The following WNT5A variants were observed in gnomAD, a reference collection of about 807,000 sequenced individuals.
WNT5A encodes the protein Wnt family member 5A.
In WNT5A, 9 loss-of-function variants were observed where a neutral mutation model predicts 42.1. The observed-to-expected ratio is 0.21, with a 90% CI of 0.13 to 0.37. WNT5A has a LOEUF of 0.37. WNT5A is among the 10% of genes least tolerant of loss of function. WNT5A has a pLI of 1.00. For synonymous variants in WNT5A, 210 were observed against 210.0 expected (o/e 1.00, Z 0.00); for missense variants, 426 against 534.0 (o/e 0.80, Z 1.99).
upstream of WNT5A, chr3:55,493,958 T>A (rs2051688733): frequency 6.6e-6 from 1 of 152,218 alleles, no homozygotes; most frequent in Non-Finnish European, 1.5e-5. Flanking sequence ...TGCTCCTAAG[T>A]GGCATGTTTT....
At chr3:55,495,891 A>G in the WNT5A span, among the ~76,000 whole-genome samples, 1 of 152,202 alleles carries the variant, frequency 6.6e-6, no homozygotes, top group Non-Finnish European at 1.5e-5. Flanking sequence ...CAACATTTCT[A>G]AGTGAAAAGG....
Position 55,470,290 on chromosome 3 carries a change from G to A in WNT5A, c.945C>T (p.Thr315=). ...SPDYCVRNES[T]GSLGTQGRLC... ...GGCGGCCCTGCGTGCCCAGCGAGCC[G>A]GTGCTCTCATTGCGCACGCAGTAGT... is the stretch of plus-strand genomic sequence containing the variant. Residue 315 remains threonine (T), a synonymous_variant, in exon 5 of 5, where the codon ACC becomes ACT. Coordinates refer to ENST00000264634, the MANE Select transcript of WNT5A (RefSeq NM_003392.7). The A allele has an allele frequency of 6.2e-7, 1 of 1,614,044 alleles. No individual in the cohort carries two copies. Among genetic ancestry groups the A allele is most frequent in the Non-Finnish European group, 8.5e-7 (1 of 1,179,908 alleles).
chr3:55,503,212 G>T, the WNT5A span, among the ~76,000 whole-genome samples: 1 of 152,208 alleles, frequency 6.6e-6, no homozygotes, highest in African/African-American at 2.4e-5. Flanking sequence ...CAGCTCAGCA[G>T]TGGTTCTTGT....
intron 3 of WNT5A, chr3:55,479,070 G>A: frequency 2.9e-6 from 1 of 341,790 alleles, no homozygotes; most frequent in Non-Finnish European, 5.2e-6. Context: ...GAAAAATTAA[G>A]TGTTTGCAAA....
In WNT5A at chr3:55,479,327, C is replaced by T. The variant is rs1290718864; in HGVS notation, c.378G>A (p.Arg126=). ...STVDNTSVFG[R]VMQIGSRETA... ...ATGTTTTCCTACCTATCTGCATCAC[C>T]CTGCCAAAAACAGAGGTGTTATCCA... The change falls in exon 3 of 5, where the codon AGG becomes AGA. Residue 126 remains arginine, a synonymous_variant. Transcript: ENST00000264634. The T allele has an allele frequency of 6.4e-7, 1 of 1,561,434 alleles. No homozygotes were observed. Among genetic ancestry groups the T allele is most frequent in the Non-Finnish European group, 8.7e-7 (1 of 1,150,228 alleles).
At chr3:55,498,381 C>T in the WNT5A span, among the ~76,000 whole-genome samples, 1 of 152,052 alleles carries the variant, frequency 6.6e-6, no homozygotes, top group African/African-American at 2.4e-5. Context: ...CCGCGGCTCC[C>T]GCTCTCAAGG....
chr3:55,473,142 C>G (rs143339824), intron 4 of WNT5A, among the ~76,000 whole-genome samples: 1 of 152,294 alleles, frequency 6.6e-6, no homozygotes, highest in Non-Finnish European at 1.5e-5. Flanking sequence ...AAAAACGTAC[C>G]TAGGCTTATA....
intron 1 of WNT5A, among the ~76,000 whole-genome samples, chr3:55,486,454 TG>T (rs1300792707): frequency 7.9e-5 from 12 of 152,312 alleles, no homozygotes; most frequent in Non-Finnish European, 1.5e-4. Context: ...CCTCCGTCGG[TG>T]CGGGGGGGTG....
Position 55,479,314 on chromosome 3 carries a change from C to T in WNT5A, c.391G>A (p.Gly131Ser). ...AAAAATATTTTAAATGTTTTCCTAC[C>T]TATCTGCATCACCCTGCCAAAAACA... ...TSVFGRVMQI[G>S]SRETAFTYAV... is the part of the protein sequence containing the mutation. The change falls in exon 3 of 5, where the codon GGC becomes AGC. Residue 131 changes from glycine to serine, a missense_variant and splice_region_variant. By Grantham distance (56) the Gly-to-Ser change is moderately conservative (BLOSUM62 0). Around this residue, in one of 3 missense-constraint regions of WNT5A, gnomAD observed 358 missense variants for 468.1 expected, o/e 0.76. Transcript: ENST00000264634. 6.6e-7 allele frequency: 1 copy of T among 1,525,510 alleles called. No individual in the cohort carries two copies. The highest frequency in any genetic ancestry group is 8.8e-7 in the Non-Finnish European group (1 of 1,133,982). 94.5% of individuals were successfully genotyped at this position (1,525,510 alleles called of 1,614,324 possible).
In WNT5A at chr3:55,466,551, A is replaced by G. The variant is rs1251188437; in HGVS notation, c.*3541T>C. On this transcript the variant is annotated 3_prime_UTR_variant, in exon 5 of 5. Coordinates refer to ENST00000264634, the MANE Select transcript of WNT5A (RefSeq NM_003392.7). ...TCTCAGGAGGTCAGTAGCTCACAGA[A>G]CTCAACAGATAAACTGGATTAAAAC... 1 of 152,310 alleles carries G rather than the reference A, an allele frequency of 6.6e-6. No homozygotes were observed. The highest frequency in any genetic ancestry group is 1.5e-5 in the Non-Finnish European group (1 of 68,040). 9.4% of individuals were successfully genotyped at this position (152,310 alleles called of 1,614,324 possible). A position where few individuals can be genotyped will look rare whatever the true frequency, so the allele number is the denominator to read the frequency against.
chr3:55,498,440 A>G, the WNT5A span, among the ~76,000 whole-genome samples: 1 of 152,210 alleles, frequency 6.6e-6, no homozygotes, highest in African/African-American at 2.4e-5. Context: ...GGATGATGAG[A>G]GTAACACTGA....
Position 55,477,408 on chromosome 3 carries a change from G to A in WNT5A, c.391+1906C>T, listed in dbSNP as rs192706625. Among the ~76,000 whole-genome samples, 60 of 152,224 alleles carry A rather than the reference G, an allele frequency of 3.9e-4. No individual in the cohort carries two copies. The East Asian group carries it at 0.012, about 29-fold the overall frequency. On this transcript the variant is annotated intron_variant, in intron 3 of 4. Coordinates refer to ENST00000264634, the MANE Select transcript of WNT5A (RefSeq NM_003392.7). Reference sequence around the variant, plus strand: ...TTCAGCTCTGAGACGCTAGGCACTTGGGGGACCTTTTGCAGGGGAGGATGC... The same window carrying A: ...TTCAGCTCTGAGACGCTAGGCACTTAGGGGACCTTTTGCAGGGGAGGATGC...
chr3:55,482,798 G>A (rs763891530), intron 1 of WNT5A, among the ~76,000 whole-genome samples: 1 of 152,152 alleles, frequency 6.6e-6, no homozygotes, highest in African/African-American at 2.4e-5. Flanking sequence ...ATTTCCTCCA[G>A]GGGAGGGAGT....
At chr3:55,492,937 G>A (rs55883215), upstream of WNT5A, among the ~76,000 whole-genome samples, 107 of 152,268 alleles carry the variant, frequency 7.0e-4, no homozygotes, top group Non-Finnish European at 1.4e-3. Context: ...CACCAGACGT[G>A]CACACAACCA....
intron 4 of WNT5A, among the ~76,000 whole-genome samples, chr3:55,471,294 G>A (rs1304702327): frequency 6.6e-6 from 1 of 152,114 alleles, no homozygotes; most frequent in African/African-American, 2.4e-5. Context: ...AGTGTGGGGG[G>A]ACTGCGCCTG....
the WNT5A span, chr3:55,501,500 G>A: frequency 2.0e-5 from 3 of 152,196 alleles, no homozygotes; most frequent in Admixed American, 6.5e-5. Context: ...ACGTAGAAAG[G>A]TTTAGGGAGC....
upstream of WNT5A, among the ~76,000 whole-genome samples, chr3:55,495,110 C>T (rs1182786552): frequency 6.6e-6 from 1 of 152,162 alleles, no homozygotes; most frequent in Non-Finnish European, 1.5e-5. Context: ...TGTTTTGAAA[C>T]ATGTATACTT....
intron 1 of WNT5A, chr3:55,481,461 C>A (rs1395103249): frequency 3.0e-6 from 2 of 656,138 alleles, no homozygotes; most frequent in Non-Finnish European, 3.8e-6. Context: ...AGGATGGGGG[C>A]AGGACGCGGG....
In WNT5A at chr3:55,468,765, C is replaced by T. The variant is rs1003206809; in HGVS notation, c.*1327G>A. 2.0e-5 allele frequency: 3 copies of T among 152,440 alleles called. No homozygotes were observed. The highest frequency in any genetic ancestry group is 4.8e-5 in the African/African-American group (2 of 41,394). The allele number at this position is 152,440 out of a possible 1,614,324, so 9.4% of individuals were successfully genotyped here. A position where few individuals can be genotyped will look rare whatever the true frequency, so the allele number is the denominator to read the frequency against. On this transcript the variant is annotated 3_prime_UTR_variant, in exon 5 of 5. Coordinates refer to ENST00000264634, the MANE Select transcript of WNT5A (RefSeq NM_003392.7). ...GTACACTGGGAACAGTTTTAAGGTA[C>T]ACCTGCAGTACAATAGGAGAAGCAT...
Sources: gnomAD v4.1 joint callset for allele counts (sites outside exome capture counted in the v4.1 genomes callset) on GRCh38, gnomAD v4.1.1 for gene constraint, gnomAD v4.1.1 regional missense constraint, MANE v1.5 for transcripts, NCBI Gene and HGNC (gene_info 2026-07-23, HGNC 2026-07-21) for gene names.